The following LHFPL6 variants were observed in gnomAD, a reference collection of about 807,000 sequenced individuals.
LHFPL6 encodes LHFPL tetraspan subfamily member 6 protein.
In LHFPL6, 9 loss-of-function variants were observed where a neutral mutation model predicts 20.6. That is an observed-to-expected ratio of 0.44 (90% confidence interval 0.26 to 0.76). LHFPL6 has a LOEUF of 0.76. Ranked by LOEUF, LHFPL6 falls within the 30% of genes least tolerant of loss-of-function variation. The pLI is 0.20. For synonymous variants in LHFPL6, 105 were observed against 98.7 expected (o/e 1.06, Z -0.38); for missense variants, 218 against 253.5 (o/e 0.86, Z 0.95).
intron 2 of LHFPL6, among the ~76,000 whole-genome samples, chr13:39,477,126 C>G (rs1486521227): frequency 1.3e-5 from 2 of 152,144 alleles, no homozygotes; most frequent in African/African-American, 4.8e-5. Context: ...AACCCTCCCC[C>G]ATCTCTAGTG....
At chr13:39,355,796 T>C (rs140886524) in intron 3 of LHFPL6, among the ~76,000 whole-genome samples, 9 of 152,276 alleles carry the variant, frequency 5.9e-5, no homozygotes, top group African/African-American at 1.4e-4. Context: ...AAGAAGGGCA[T>C]TACATAACGA....
intron 2 of LHFPL6, among the ~76,000 whole-genome samples, chr13:39,509,502 GT>G (rs957770715): frequency 6.6e-5 from 10 of 150,966 alleles, no homozygotes; most frequent in African/African-American, 1.7e-4. Flanking sequence ...ATGCGCTGAA[GT>G]TTTTTTTTGT....
intron 2 of LHFPL6, among the ~76,000 whole-genome samples, chr13:39,416,171 T>C (rs547080676): frequency 9.8e-5 from 15 of 152,310 alleles, no homozygotes; most frequent in Admixed American, 3.3e-4. Context: ...AGTAAGACTA[T>C]GTGGGGAAAA....
At chr13:39,514,557 ACCC>A in intron 2 of LHFPL6, among the ~76,000 whole-genome samples, 1 of 152,190 alleles carries the variant, frequency 6.6e-6, no homozygotes, top group Non-Finnish European at 1.5e-5. Flanking sequence ...ACACCAAGCT[ACCC>A]ATGAACACAA....
intron 2 of LHFPL6, among the ~76,000 whole-genome samples, chr13:39,460,721 A>G (rs1872669279): frequency 6.6e-6 from 1 of 152,208 alleles, no homozygotes; most frequent in Non-Finnish European, 1.5e-5. Flanking sequence ...TGGAGCAGAC[A>G]TTTCATTTGC....
At chr13:39,527,228 T>A (rs1870318555) in intron 2 of LHFPL6, among the ~76,000 whole-genome samples, 1 of 152,212 alleles carries the variant, frequency 6.6e-6, no homozygotes, top group South Asian at 2.1e-4. Flanking sequence ...ATGCTTGCAT[T>A]CTCCTTCATG....
At chr13:39,421,122 A>C (rs1369523598) in intron 2 of LHFPL6, among the ~76,000 whole-genome samples, 1 of 152,104 alleles carries the variant, frequency 6.6e-6, no homozygotes, top group Admixed American at 6.5e-5. Flanking sequence ...ACTAAATCAC[A>C]AGTGTGAATG....
chr13:39,361,918 A>G (rs2985186), intron 3 of LHFPL6, among the ~76,000 whole-genome samples: 59,662 of 151,956 alleles, frequency 0.39, 11,754 homozygotes, highest in South Asian at 0.44. Flanking sequence ...AGAAGGAGGG[A>G]AAAGGGCAGG....
chr13:39,404,803 C>T (rs1198980991), intron 2 of LHFPL6, among the ~76,000 whole-genome samples: 1 of 152,120 alleles, frequency 6.6e-6, no homozygotes, highest in Non-Finnish European at 1.5e-5. Context: ...CCTATGAGAG[C>T]CAAGACCTAG....
intron 2 of LHFPL6, among the ~76,000 whole-genome samples, chr13:39,463,593 C>T (rs926331813): frequency 2.0e-5 from 3 of 152,028 alleles, no homozygotes; most frequent in Non-Finnish European, 2.9e-5. Flanking sequence ...TAGGTGCCTC[C>T]GAAAGTCCAT....
chr13:39,358,945 G>A (rs1869802443), intron 3 of LHFPL6, among the ~76,000 whole-genome samples: 1 of 152,152 alleles, frequency 6.6e-6, no homozygotes, highest in South Asian at 2.1e-4. Context: ...GGCCGAGGAG[G>A]GTGGATCACA....
chr13:39,573,899 T>C (rs187970007), intron 2 of LHFPL6, among the ~76,000 whole-genome samples: 59 of 152,338 alleles, frequency 3.9e-4, no homozygotes, highest in Admixed American at 1.3e-3. Flanking sequence ...CTATCATTTT[T>C]GCAAACCATA....
chr13:39,351,354 A>G (rs372176401), intron 3 of LHFPL6, among the ~76,000 whole-genome samples: 1 of 152,314 alleles, frequency 6.6e-6, no homozygotes, highest in South Asian at 2.1e-4. Flanking sequence ...CAGAAACTGA[A>G]GGATAAGTAA....
At chr13:39,368,562 C>T (rs1374221059) in intron 3 of LHFPL6, among the ~76,000 whole-genome samples, 1 of 152,062 alleles carries the variant, frequency 6.6e-6, no homozygotes, top group Non-Finnish European at 1.5e-5. Flanking sequence ...AGCCTGGCAA[C>T]AGAGTGAGAC....
rs562659739 is a variant in LHFPL6 at position 39,574,081 on chromosome 13, TTGAATTCCA to T, written c.385+26742_385+26750del. The stretch of plus-strand genomic sequence containing the variant: ...AGATTTTGACGCACCTGATCCATAT[TTGAATTCCA>T]GCTCAGCCAGTAGCCTGCTGCATAC... On this transcript the variant is annotated intron_variant, in intron 2 of 3. Transcript: ENST00000379589. Among the ~76,000 whole-genome samples the T allele has an allele frequency of 5.3e-5, 8 of 152,316 alleles. No individual in the cohort carries two copies. In the East Asian group the frequency reaches 1.5e-3, roughly 29 times the overall value.
chr13:39,549,327 T>C (rs891161542), intron 2 of LHFPL6, among the ~76,000 whole-genome samples: 4 of 152,122 alleles, frequency 2.6e-5, no homozygotes, highest in Non-Finnish European at 5.9e-5. Flanking sequence ...AAAAACAACC[T>C]TGACTTCTAG....
chr13:39,516,121 T>A (rs1869906081), intron 2 of LHFPL6, among the ~76,000 whole-genome samples: 2 of 152,318 alleles, frequency 1.3e-5, no homozygotes, highest in South Asian at 4.1e-4. Context: ...TCTGGAATAG[T>A]CTCCTAGCTG....
In LHFPL6 at chr13:39,454,154, G is replaced by A. The variant is rs368769395; in HGVS notation, c.386-75628C>T. Among the ~76,000 whole-genome samples the A allele has an allele frequency of 6.7e-4, 102 of 152,210 alleles. 1 individual carries two copies. The South Asian group carries it at 0.018, about 28-fold the overall frequency. On this transcript the variant is annotated intron_variant, in intron 2 of 3. Coordinates refer to ENST00000379589, the MANE Select transcript of LHFPL6 (RefSeq NM_005780.3). ...AAGGAATATTAGATCTCAAACTATC[G>A]GTATAATCTTCTAATTTGTCTCATT... is the stretch of plus-strand genomic sequence containing the variant.
chr13:39,543,618 C>CCATTAGTAAAAA (rs1870880244), intron 2 of LHFPL6, among the ~76,000 whole-genome samples: 2 of 130,640 alleles, frequency 1.5e-5, no homozygotes, highest in African/African-American at 6.0e-5. Flanking sequence ...CCCCCGCAGA[C>CCATTAGTAAAAA]AAAAATTTTT....
Sources: gnomAD v4.1 joint callset for allele counts (sites outside exome capture counted in the v4.1 genomes callset) on GRCh38, gnomAD v4.1.1 for gene constraint, MANE v1.5 for transcripts, NCBI Gene and HGNC (gene_info 2026-07-23, HGNC 2026-07-21) for gene names.